The following CPNE7 variants were observed in gnomAD, a reference collection of about 807,000 sequenced individuals.
CPNE7 encodes copine-7.
CPNE7 carries 78 observed loss-of-function variants against 66.5 expected under a neutral mutation model. That is an observed-to-expected ratio of 1.17 (90% CI 0.98 to 1.42). CPNE7 has a LOEUF of 1.42. Among genes scored for constraint, CPNE7 ranks in the 40% most tolerant of loss-of-function variants. The probability of loss-of-function intolerance (pLI) is 0.00; values close to 1 mark genes in which losing one functional copy is unlikely to be tolerated. For synonymous variants in CPNE7, 468 were observed against 336.7 expected (o/e 1.39, Z -4.27); for missense variants, 1,012 against 776.6 (o/e 1.30, Z -3.60).
intron 1 of CPNE7, among the ~76,000 whole-genome samples, chr16:89,576,463 G>A (rs932763849): frequency 6.6e-6 from 1 of 151,966 alleles, no homozygotes. Context: ...GGGGGCGGGA[G>A]GCTGGGCGGG....
intron 9 of CPNE7, 128 bp downstream of exon 9, chr16:89,587,230 A>T (rs1378211620): frequency 2.6e-6 from 1 of 391,678 alleles, no homozygotes; most frequent in South Asian, 2.2e-5. Context: ...CCGCCCCCTC[A>T]GTCCGTGGCC....
intron 13 of CPNE7, among the ~76,000 whole-genome samples, chr16:89,592,046 C>T (rs1342710115): frequency 7.0e-6 from 1 of 143,462 alleles, no homozygotes; most frequent in Non-Finnish European, 1.5e-5. Context: ...CTCGCTCTGT[C>T]ACCCAGGCTG....
intron 8 of CPNE7, 117 bp downstream of exon 8, chr16:89,586,873 A>G: frequency 8.9e-7 from 1 of 1,125,824 alleles, no homozygotes; most frequent in Non-Finnish European, 1.3e-6. Flanking sequence ...ACGTCTGGGG[A>G]GGGGCTGAGA....
At position 89,584,892 on chromosome 16, in the gene CPNE7, A is replaced by AT; in HGVS notation, c.591+35_591+36insT. The AT allele has an allele frequency of 6.4e-7, 1 of 1,574,346 alleles. No individual in the cohort carries two copies. The highest frequency in any genetic ancestry group is 8.7e-7 in the Non-Finnish European group (1 of 1,146,184). ...CGGGGATGGGAACACAGGGAGGGGA[A>AT]GGGGCTGTCCCCAGCCCTCACGCAT... On this transcript the variant is annotated intron_variant, in intron 5 of 14. Coordinates refer to ENST00000319518, the MANE Select transcript of CPNE7 (RefSeq NM_153636.3). This position sits in a 1 kb window ranked among gnomAD's most constrained non-coding sequence, Gnocchi z 6.0.
At chr16:89,588,209 TGTC>T (rs1468523716) in intron 9 of CPNE7, among the ~76,000 whole-genome samples, 30 of 145,218 alleles carry the variant, frequency 2.1e-4, no homozygotes, top group Non-Finnish European at 3.9e-4. Flanking sequence ...GTCACCCGCG[TGTC>T]ACCCACAGAT....
chr16:89,593,772 A>G (rs559694933), intron 13 of CPNE7, among the ~76,000 whole-genome samples: 23 of 152,326 alleles, frequency 1.5e-4, no homozygotes, highest in Non-Finnish European at 3.1e-4. Flanking sequence ...TAATACATAG[A>G]CTATATTCCA....
chr16:89,589,194 A>C (rs907857192), intron 10 of CPNE7, among the ~76,000 whole-genome samples: 1 of 152,212 alleles, frequency 6.6e-6, no homozygotes, highest in African/African-American at 2.4e-5. Context: ...CAGGAGGCTG[A>C]GGCAGGAGAA....
At chr16:89,589,322 G>C (rs1443000379) in intron 10 of CPNE7, among the ~76,000 whole-genome samples, 1 of 152,156 alleles carries the variant, frequency 6.6e-6, no homozygotes, top group Non-Finnish European at 1.5e-5. Context: ...GGAAGGGCTG[G>C]GTAGCCCTAC....
chr16:89,576,299 G>A (rs2151423314), intron 1 of CPNE7, among the ~76,000 whole-genome samples: 1 of 152,134 alleles, frequency 6.6e-6, no homozygotes, highest in East Asian at 1.9e-4. Context: ...AGCGGGGTTC[G>A]GAGGAGAGAG....
At chr16:89,579,786 C>A (rs1454846149) in intron 2 of CPNE7, among the ~76,000 whole-genome samples, 4 of 128,180 alleles carry the variant, frequency 3.1e-5, no homozygotes, top group African/African-American at 1.1e-4. Context: ...CATCCCGTCA[C>A]CCGCTGACAC....
chr16:89,581,106 G>A (rs1369301826), intron 2 of CPNE7, among the ~76,000 whole-genome samples: 1 of 138,268 alleles, frequency 7.2e-6, no homozygotes, highest in Non-Finnish European at 1.5e-5. Flanking sequence ...CCGTCACATG[G>A]AACATCTCAC....
chr16:89,591,122 C>G lies in CPNE7; in HGVS notation c.1169-5C>G, dbSNP rs375005058. 1.0e-3 allele frequency: 1,650 copies of G among 1,612,572 alleles called. 11 individuals carry two copies. The highest frequency in any genetic ancestry group is 3.4e-4 in the Non-Finnish European group (404 of 1,179,602). The stretch of plus-strand genomic sequence containing the variant: ...GGGGCCGGGCTCACCCCCTGCCCCC[C>G]ACAGGCATCCAGGGCGTGGTGGAGG... On this transcript the variant is annotated splice_polypyrimidine_tract_variant and splice_region_variant and intron_variant, in intron 12 of 14. Transcript: ENST00000319518.
At position 89,589,960 on chromosome 16, in the gene CPNE7, G is replaced by A. The variant is rs199966463; in HGVS notation, c.1116+9G>A. ...TCCCTCCCAAGTATGAGGTAGGAGA[G>A]CCCAGAACCTGAGACCTCAGAGCTG... is the stretch of plus-strand genomic sequence containing the variant. On this transcript the variant is annotated intron_variant, in intron 11 of 14. Coordinates refer to ENST00000319518, the MANE Select transcript of CPNE7 (RefSeq NM_153636.3). 6.2e-7 allele frequency: 1 copy of A among 1,613,474 alleles called. No individual in the cohort carries two copies. The highest frequency in any genetic ancestry group is 8.5e-7 in the Non-Finnish European group (1 of 1,179,914).
Position 89,584,630 on chromosome 16 carries a change from C to T in CPNE7, c.508-144C>T, listed in dbSNP as rs898928310. The T allele has an allele frequency of 5.8e-5, 38 of 660,200 alleles. No individual in the cohort carries two copies. The highest frequency in any genetic ancestry group is 3.5e-4 in the Middle Eastern group (1 of 2,828). The allele number at this position is 660,200 out of a possible 1,614,324, so 40.9% of individuals were successfully genotyped here. On this transcript the variant is annotated intron_variant, in intron 4 of 14. Transcript: ENST00000319518. This position sits in a 1 kb window ranked among gnomAD's most constrained non-coding sequence, Gnocchi z 6.0. ...GCGGGAGGGAGGGACGAGATGCTGT[C>T]GGCGGGGACTGGCTGCCTCGTTTTG... is the stretch of plus-strand genomic sequence containing the variant.
At position 89,584,187 on chromosome 16, in the gene CPNE7, C is replaced by T. The variant is rs2059000112; in HGVS notation, c.507+85C>T. The T allele has an allele frequency of 6.5e-6, 9 of 1,385,938 alleles. No individual in the cohort carries two copies. Among genetic ancestry groups the T allele is most frequent in the South Asian group, 1.3e-5 (1 of 77,946 alleles). 85.9% of individuals were successfully genotyped at this position (1,385,938 alleles called of 1,614,324 possible). Reference sequence around the variant, plus strand: ...CCCGGTCCCTGCCCAGCGCTGACCTCGCGTGGCTATGTCCCGTGTGAGACG... The same window carrying T: ...CCCGGTCCCTGCCCAGCGCTGACCTTGCGTGGCTATGTCCCGTGTGAGACG... On this transcript the variant is annotated intron_variant, in intron 4 of 14. Coordinates refer to ENST00000319518, the MANE Select transcript of CPNE7 (RefSeq NM_153636.3). The surrounding 1 kb of genome is among the most constrained non-coding windows in gnomAD (Gnocchi z 6.0).
At chr16:89,583,284 G>A (rs999368907) in intron 2 of CPNE7, among the ~76,000 whole-genome samples, 6 of 152,132 alleles carry the variant, frequency 3.9e-5, no homozygotes, top group East Asian at 1.9e-4. Context: ...GAGCTGCCTC[G>A]CCTCTGCTTC....
At chr16:89,588,117 G>C (rs1484895919) in intron 9 of CPNE7, among the ~76,000 whole-genome samples, 2 of 10,110 alleles carry the variant, frequency 2.0e-4, no homozygotes, top group Non-Finnish European at 5.1e-4. Flanking sequence ...CAGATACACG[G>C]CCCCCGTGTC....
intron 14 of CPNE7, among the ~76,000 whole-genome samples, chr16:89,596,148 A>G (rs953058796): frequency 7.9e-5 from 12 of 152,280 alleles, no homozygotes; most frequent in Admixed American, 4.6e-4. Flanking sequence ...AAACATGCAT[A>G]TTACAGACAC....
At position 89,591,046 on chromosome 16, in the gene CPNE7, G is replaced by C; in HGVS notation, c.1156G>C (p.Asp386His). The C allele has an allele frequency of 6.2e-7, 1 of 1,613,684 alleles. No homozygotes were observed. Among genetic ancestry groups the C allele is most frequent in the Non-Finnish European group, 8.5e-7 (1 of 1,179,878 alleles). ...DFAINFNPED[D>H]ECEGIQGVVE... Reference sequence around the variant, plus strand: ...TGCCATCAATTTCAACCCTGAGGACGATGAGTGTGAAGGTAGGAGCTCGAG... The same window carrying C: ...TGCCATCAATTTCAACCCTGAGGACCATGAGTGTGAAGGTAGGAGCTCGAG... Residue 386 changes from aspartate to histidine, a missense_variant, in exon 12 of 15, where the codon GAT (aspartate) becomes CAT (histidine). By Grantham distance (81) the Asp-to-His change is moderately conservative. Transcript: ENST00000319518.
Sources: allele counts gnomAD v4.1 joint callset (sites outside exome capture counted in the v4.1 genomes callset), GRCh38; gene constraint gnomAD v4.1.1; non-coding constraint Gnocchi (gnomAD v3.1); transcripts MANE v1.5; gene names NCBI Gene and HGNC (gene_info 2026-07-23, HGNC 2026-07-21).